IQSEC1: variants seen among roughly 807,000 people sequenced by gnomAD.
IQSEC1 encodes IQ motif and Sec7 domain ArfGEF 1, also known as IQ motif and SEC7 domain-containing protein 1.
In IQSEC1, 31 loss-of-function variants were observed where a neutral mutation model predicts 91.0. The observed-to-expected ratio is 0.34, with a 90% confidence interval of 0.26 to 0.46. The LOEUF is 0.46. Ranked by LOEUF, IQSEC1 falls within the 20% of genes least tolerant of loss-of-function variation. The pLI, the probability that IQSEC1 is intolerant of heterozygous loss-of-function variation, is 1.00. For synonymous variants in IQSEC1, 699 were observed against 662.6 expected (o/e 1.05, Z -0.84); for missense variants, 1,388 against 1,575.6 (o/e 0.88, Z 2.02).
intron 1 of IQSEC1, among the ~76,000 whole-genome samples, chr3:13,172,153 G>C (rs556075834): frequency 1.3e-5 from 2 of 152,314 alleles, no homozygotes; most frequent in South Asian, 4.1e-4. Flanking sequence ...GCATTTGAGG[G>C]ATAAACATTC....
intron 1 of IQSEC1, among the ~76,000 whole-genome samples, chr3:13,198,822 T>C (rs1317833579): frequency 6.6e-6 from 1 of 152,206 alleles, no homozygotes; most frequent in Non-Finnish European, 1.5e-5. Flanking sequence ...CTGGAGCTCA[T>C]GCCCTTGGAG....
chr3:12,949,801 G>T (rs1699419286), intron 1 of IQSEC1, among the ~76,000 whole-genome samples: 1 of 152,224 alleles, frequency 6.6e-6, no homozygotes, highest in African/African-American at 2.4e-5. Flanking sequence ...AGCAAGAGCA[G>T]GGATGGCACA....
intron 2 of IQSEC1, among the ~76,000 whole-genome samples, chr3:13,150,863 C>G (rs917701304): frequency 1.3e-5 from 2 of 152,246 alleles, no homozygotes; most frequent in African/African-American, 4.8e-5. Context: ...AAGAGCCCCA[C>G]CTGAGAGTGG....
rs542224521 is a variant in IQSEC1 at position 13,073,067 on chromosome 3, C to T, written c.-53G>A. The T allele has an allele frequency of 7.7e-6, 12 of 1,550,522 alleles. No individual in the cohort carries two copies. In the African/African-American group the frequency reaches 1.6e-4, roughly 21 times the overall value. On this transcript the variant is annotated 5_prime_UTR_variant, in exon 1 of 14. Transcript: ENST00000613206. ...TGGCTCCCTCTCCAGCGGGGAGGCT[C>T]AACGTGTTTCCAAGAGGAGCAGGCG...
intron 1 of IQSEC1, among the ~76,000 whole-genome samples, chr3:13,199,931 TCACACA>T (rs752636736): frequency 8.1e-6 from 1 of 124,064 alleles, no homozygotes; most frequent in Non-Finnish European, 1.7e-5. Context: ...ACCACGCACG[TCACACA>T]CACACACACA....
intron 1 of IQSEC1, among the ~76,000 whole-genome samples, chr3:13,054,075 G>A (rs745430554): frequency 2.6e-5 from 4 of 152,054 alleles, no homozygotes; most frequent in African/African-American, 4.8e-5. Context: ...TCCTCCCCTC[G>A]CCCCATGGAA....
rs1698058901 is a variant in IQSEC1 at position 12,935,193 on chromosome 3, T to C, written c.1568+255A>G. 6.6e-6 allele frequency among the ~76,000 whole-genome samples: 1 copy of C among 152,196 alleles called. No individual in the cohort carries two copies. The highest frequency in any genetic ancestry group is 2.4e-5 in the African/African-American group (1 of 41,446). On this transcript the variant is annotated intron_variant, in intron 3 of 13. Coordinates refer to ENST00000613206, the MANE Select transcript of IQSEC1 (RefSeq NM_001134382.3). This position sits in a 1 kb window ranked among gnomAD's most constrained non-coding sequence, Gnocchi z 8.0. The stretch of plus-strand genomic sequence containing the variant: ...CGGAAGGGCCCGGGACTCAAGTTGC[T>C]TCGGCACAGAAAGCTCCCATTCTGC...
chr3:13,219,212 G>A (rs928691691), intron 1 of IQSEC1, among the ~76,000 whole-genome samples: 16 of 152,282 alleles, frequency 1.1e-4, no homozygotes, highest in Middle Eastern at 3.4e-3. Flanking sequence ...GGCCCTGGCT[G>A]AGCCATGCTT....
At chr3:12,937,690 G>A (rs1698326645) in intron 2 of IQSEC1, among the ~76,000 whole-genome samples, 1 of 152,354 alleles carries the variant, frequency 6.6e-6, no homozygotes, top group East Asian at 1.9e-4. Flanking sequence ...GAGGCCAAGG[G>A]CTGGCACATG....
chr3:13,085,706 G>T (rs534783546), intron 2 of IQSEC1, among the ~76,000 whole-genome samples: 1 of 152,188 alleles, frequency 6.6e-6, no homozygotes, highest in Non-Finnish European at 1.5e-5. Context: ...AAGCCTTCAG[G>T]CCCACGTGCT....
intron 6 of IQSEC1, among the ~76,000 whole-genome samples, chr3:12,918,241 A>G (rs184058685): frequency 9.7e-4 from 148 of 152,310 alleles, no homozygotes; most frequent in African/African-American, 3.3e-3. Context: ...GGCTTGGGAG[A>G]CAGAACCTGC....
intron 8 of IQSEC1, 147 bp downstream of exon 8, chr3:12,914,957 C>T (rs1250152214): frequency 3.9e-5 from 30 of 766,448 alleles, no homozygotes; most frequent in South Asian, 1.2e-4. Context: ...GGGGTAATTA[C>T]GAACATCTGA....
chr3:13,073,995 T>C (rs994935856), upstream of IQSEC1, among the ~76,000 whole-genome samples: 1 of 152,230 alleles, frequency 6.6e-6, no homozygotes, highest in Non-Finnish European at 1.5e-5. Flanking sequence ...GGAGAATTTC[T>C]GGTCTAGCTA....
intron 1 of IQSEC1, among the ~76,000 whole-genome samples, chr3:13,054,363 T>C (rs1394628211): frequency 1.3e-5 from 2 of 152,044 alleles, no homozygotes; most frequent in Non-Finnish European, 2.9e-5. Context: ...GCTCCAGAAG[T>C]TTCTCTGTTT....
intron 1 of IQSEC1, among the ~76,000 whole-genome samples, chr3:13,213,713 A>T (rs1694487624): frequency 6.6e-6 from 1 of 152,134 alleles, no homozygotes; most frequent in Non-Finnish European, 1.5e-5. Context: ...CCACCACATG[A>T]CCGGGCCAGT....
intron 1 of IQSEC1, among the ~76,000 whole-genome samples, chr3:13,044,768 G>T (rs933623756): frequency 2.6e-5 from 4 of 152,236 alleles, no homozygotes; most frequent in Non-Finnish European, 5.9e-5. Context: ...CCTTTGAAAG[G>T]CAGCAATTAC....
chr3:13,280,252 C>A (rs1052997016), intron 1 of IQSEC1, among the ~76,000 whole-genome samples: 1 of 152,202 alleles, frequency 6.6e-6, no homozygotes, highest in Non-Finnish European at 1.5e-5. Flanking sequence ...CTCTTCCTCT[C>A]CATTCTTCCT....
intron 1 of IQSEC1, among the ~76,000 whole-genome samples, chr3:13,030,523 C>T (rs760710893): frequency 2.3e-4 from 35 of 152,194 alleles, no homozygotes; most frequent in Admixed American, 6.5e-4. Flanking sequence ...TGATCTAACT[C>T]CCAGTTAACA....
chr3:13,246,596 A>T (rs1247881918), intron 1 of IQSEC1, among the ~76,000 whole-genome samples: 1 of 152,230 alleles, frequency 6.6e-6, no homozygotes, highest in Non-Finnish European at 1.5e-5. Flanking sequence ...CGAAATATAA[A>T]CATGGAAAGA....
Sources: allele counts gnomAD v4.1 joint callset (sites outside exome capture counted in the v4.1 genomes callset), GRCh38; gene constraint gnomAD v4.1.1; non-coding constraint Gnocchi (gnomAD v3.1); transcripts MANE v1.5; gene names NCBI Gene and HGNC (gene_info 2026-07-23, HGNC 2026-07-21).